DGKH: variants seen among roughly 807,000 people sequenced by gnomAD.
DGKH encodes the protein DAG kinase eta.
In DGKH, 90 loss-of-function variants were observed where a neutral mutation model predicts 159.3. The ratio of observed to expected loss-of-function variants is 0.57; its 90% confidence interval spans 0.48 to 0.67. The LOEUF is 0.67. DGKH is among the 30% of genes least tolerant of loss of function. The pLI is 0.00. For missense variants in DGKH, 1,181 were observed against 1,506.1 expected (o/e 0.78, Z 3.57); for synonymous variants, 536 against 553.8 (o/e 0.97, Z 0.45).
chr13:42,043,054 T>G (rs1415956408), intron 1 of DGKH, among the ~76,000 whole-genome samples: 1 of 152,152 alleles, frequency 6.6e-6, no homozygotes, highest in Non-Finnish European at 1.5e-5. Flanking sequence ...GGACACAAAA[T>G]CCATCAAAAT....
intron 21 of DGKH, among the ~76,000 whole-genome samples, chr13:42,206,586 G>A (rs1461161875): frequency 2.0e-5 from 3 of 152,112 alleles, no homozygotes; most frequent in African/African-American, 7.2e-5. Context: ...GTCTTACTGG[G>A]CTAAAATCAA....
At chr13:42,105,997 G>GT (rs71685202) in intron 1 of DGKH, among the ~76,000 whole-genome samples, 13,268 of 144,756 alleles carry the variant, frequency 0.092, 660 homozygotes, top group Middle Eastern at 0.18. Context: ...AAGGAATGTG[G>GT]TTTTTTTTTT....
downstream of DGKH, among the ~76,000 whole-genome samples, chr13:42,246,913 T>C (rs1167230307): frequency 6.6e-6 from 1 of 152,168 alleles, no homozygotes; most frequent in African/African-American, 2.4e-5. Context: ...TGTGTGTATA[T>C]ACACACACAT....
At chr13:42,164,098 A>G (rs1456289716) in intron 7 of DGKH, among the ~76,000 whole-genome samples, 1 of 152,182 alleles carries the variant, frequency 6.6e-6, no homozygotes, top group East Asian at 1.9e-4. Context: ...CAGGATATCT[A>G]GTGCCTAAAA....
intron 3 of DGKH, among the ~76,000 whole-genome samples, chr13:42,147,571 C>G (rs7329683): frequency 0.35 from 53,663 of 151,980 alleles, 9,987 homozygotes; most frequent in Non-Finnish European, 0.42. Flanking sequence ...ACTAAAAGAG[C>G]TTGTGCCAAG....
At chr13:42,150,400 C>G (rs925633684) in intron 3 of DGKH, among the ~76,000 whole-genome samples, 1 of 152,152 alleles carries the variant, frequency 6.6e-6, no homozygotes, top group Non-Finnish European at 1.5e-5. Flanking sequence ...AGCTGAAAGA[C>G]CTGACTACAT....
At chr13:42,179,396 G>T (rs1378093633) in intron 13 of DGKH, among the ~76,000 whole-genome samples, 1 of 152,314 alleles carries the variant, frequency 6.6e-6, no homozygotes, top group Admixed American at 6.5e-5. Flanking sequence ...AATTTTTCTT[G>T]TAAAGGAGAA....
At chr13:42,156,282 A>C (rs1057296322) in intron 5 of DGKH, among the ~76,000 whole-genome samples, 1 of 152,034 alleles carries the variant, frequency 6.6e-6, no homozygotes, top group African/African-American at 2.4e-5. Flanking sequence ...TCACTCTGTC[A>C]CCCATCCTGG....
At chr13:42,171,050 G>C (rs1956442823) in intron 11 of DGKH, among the ~76,000 whole-genome samples, 1 of 152,026 alleles carries the variant, frequency 6.6e-6, no homozygotes. Flanking sequence ...ACTTTGGGTT[G>C]GGTCAGAAAA....
intron 3 of DGKH, among the ~76,000 whole-genome samples, chr13:42,153,270 A>T (rs758587623): frequency 6.6e-6 from 1 of 152,250 alleles, no homozygotes; most frequent in Non-Finnish European, 1.5e-5. Flanking sequence ...GCTATTCTTT[A>T]TCCTTCTTTC....
chr13:42,141,613 C>T (rs904200319), intron 3 of DGKH, among the ~76,000 whole-genome samples: 2 of 152,192 alleles, frequency 1.3e-5, no homozygotes, highest in African/African-American at 4.8e-5. Flanking sequence ...GAGATGGTAT[C>T]TCATTGTGGT....
rs902229569 is a variant in DGKH at position 42,053,458 on chromosome 13, CTA to C, written c.192+4500_192+4501del. 1.1e-4 allele frequency among the ~76,000 whole-genome samples: 15 copies of C among 137,870 alleles called. 1 individual carries two copies. Among genetic ancestry groups the C allele is most frequent in the East Asian group, 1.0e-3 (5 of 5,024 alleles). The allele number at this position is 137,870 out of a possible 152,430, so 90.4% of individuals were successfully genotyped here. A position where few individuals can be genotyped will look rare whatever the true frequency, so the allele number is the denominator to read the frequency against. Reference sequence around the variant, plus strand: ...TAGCTATATATAACTATATATATAACTATATATAACTATATGTATAACTATAT... The same window carrying C: ...TAGCTATATATAACTATATATATAACTATATAACTATATGTATAACTATAT... On this transcript the variant is annotated intron_variant, in intron 1 of 29. Coordinates refer to ENST00000337343, the MANE Select transcript of DGKH (RefSeq NM_178009.5).
In DGKH at chr13:42,234,915, C is replaced by T. The variant is rs1594258387; in HGVS notation, c.*5727C>T. On this transcript the variant is annotated 3_prime_UTR_variant, in exon 30 of 30. Coordinates refer to ENST00000337343, the MANE Select transcript of DGKH (RefSeq NM_178009.5). ...AAAGAAGTAACTGCAACTTTTAAAACGTGATGATTATTGGTTTTTATAATA... is the reference window on the plus strand; with the variant it reads ...AAAGAAGTAACTGCAACTTTTAAAATGTGATGATTATTGGTTTTTATAATA... 1 of 152,142 alleles carries T rather than the reference C, an allele frequency of 6.6e-6. No individual in the cohort carries two copies. Among genetic ancestry groups the T allele is most frequent in the Non-Finnish European group, 1.5e-5 (1 of 68,014 alleles). The allele number at this position is 152,142 out of a possible 1,614,324, so 9.4% of individuals were successfully genotyped here.
chr13:42,041,345 C>G (rs1880491760), intron 1 of DGKH, among the ~76,000 whole-genome samples: 1 of 152,048 alleles, frequency 6.6e-6, no homozygotes, highest in Non-Finnish European at 1.5e-5. Flanking sequence ...CGCAGGTTCC[C>G]GGGGACACGC....
chr13:42,163,324 C>A (rs1481202837), intron 7 of DGKH, among the ~76,000 whole-genome samples: 1 of 152,182 alleles, frequency 6.6e-6, no homozygotes, highest in South Asian at 2.1e-4. Context: ...AATAAACATA[C>A]GTGTGCATGT....
chr13:42,125,743 T>C (rs1171112284), intron 1 of DGKH, among the ~76,000 whole-genome samples: 3 of 152,196 alleles, frequency 2.0e-5, no homozygotes, highest in Non-Finnish European at 4.4e-5. Flanking sequence ...CTCAATATAT[T>C]ATGTCTTTAT....
At chr13:42,049,065 AAGG>A (rs2137633979) in intron 1 of DGKH, 100 bp downstream of exon 1, 1 of 18,024 alleles carries the variant, frequency 5.5e-5, no homozygotes, top group African/African-American at 2.5e-4. Flanking sequence ...GAAGGCGGGG[AAGG>A]CGGGGAAGGC....
At chr13:42,068,524 A>G (rs1225706963) in intron 1 of DGKH, among the ~76,000 whole-genome samples, 1 of 152,234 alleles carries the variant, frequency 6.6e-6, no homozygotes, top group Non-Finnish European at 1.5e-5. Context: ...AAATGTGTAC[A>G]GTATGAAAAA....
intron 1 of DGKH, among the ~76,000 whole-genome samples, chr13:42,097,884 G>A (rs1166148571): frequency 1.3e-5 from 2 of 152,148 alleles, no homozygotes; most frequent in African/African-American, 2.4e-5. Flanking sequence ...GCATCCAGAG[G>A]TACATGGTAC....
Sources: allele counts gnomAD v4.1 joint callset (sites outside exome capture counted in the v4.1 genomes callset), GRCh38; gene constraint gnomAD v4.1.1; transcripts MANE v1.5; gene names NCBI Gene and HGNC (gene_info 2026-07-23, HGNC 2026-07-21).